The following GPHN variants were observed in gnomAD, a reference collection of about 807,000 sequenced individuals.
The protein encoded by GPHN is gephyrin.
Under a neutral mutation model 95.5 loss-of-function variants are expected in GPHN, and 17 were observed. That is an observed-to-expected ratio of 0.18 (90% CI 0.12 to 0.27). The LOEUF (loss-of-function observed/expected upper bound fraction) is 0.27, where lower values mean the gene tolerates loss of function less well. Among genes scored for constraint, GPHN ranks in the 10% least tolerant of loss-of-function variants. The pLI, the probability that GPHN is intolerant of heterozygous loss-of-function variation, is 1.00. For missense variants in GPHN, 660 were observed against 978.1 expected, an observed-to-expected ratio of 0.67 and a Z score of 4.34; for synonymous variants, 320 against 322.5, an observed-to-expected ratio of 0.99 and a Z score of 0.08.
intron 3 of GPHN, among the ~76,000 whole-genome samples, chr14:66,794,031 T>G (rs1404728133): frequency 1.3e-5 from 2 of 152,200 alleles, no homozygotes; most frequent in Non-Finnish European, 2.9e-5. Flanking sequence ...CTGTGTGCTT[T>G]CTGCAGTAGA....
chr14:67,357,278 A>T, the GPHN span, among the ~76,000 whole-genome samples: 16 of 152,262 alleles, frequency 1.1e-4, no homozygotes, highest in African/African-American at 3.9e-4. Context: ...ATGGCTTTTA[A>T]AACTTGCTCC....
chr14:67,200,378 C>G, the GPHN span: 2 of 607,906 alleles, frequency 3.3e-6, no homozygotes, highest in South Asian at 4.0e-5. Flanking sequence ...TTTTCGATAC[C>G]TTGGACCAAT....
chr14:66,518,201 G>A (rs1474071071), intron 1 of GPHN, among the ~76,000 whole-genome samples: 2 of 151,336 alleles, frequency 1.3e-5, no homozygotes, highest in Non-Finnish European at 2.9e-5. Flanking sequence ...TTTCTCAAAA[G>A]AAGACATACA....
At chr14:66,883,136 T>C (rs2064011681) in intron 5 of GPHN, among the ~76,000 whole-genome samples, 1 of 151,914 alleles carries the variant, frequency 6.6e-6, no homozygotes, top group Non-Finnish European at 1.5e-5. Context: ...TTTTTTTTGC[T>C]GCTCCTATGA....
the GPHN span, among the ~76,000 whole-genome samples, chr14:67,290,680 G>A: frequency 6.6e-6 from 1 of 152,098 alleles, no homozygotes; most frequent in Non-Finnish European, 1.5e-5. Context: ...ACACAGGCGT[G>A]AGCCACTGTG....
chr14:66,995,766 C>T (rs532570906), intron 9 of GPHN, among the ~76,000 whole-genome samples: 11 of 152,052 alleles, frequency 7.2e-5, no homozygotes, highest in Non-Finnish European at 1.2e-4. Flanking sequence ...GCTTTGGTGC[C>T]CTCTTTAATG....
the GPHN span, among the ~76,000 whole-genome samples, chr14:67,268,343 G>A: frequency 4.6e-5 from 7 of 152,192 alleles, no homozygotes; most frequent in Admixed American, 2.0e-4. Context: ...TTACCCGAAG[G>A]GGGTCCCGAT....
chr14:67,554,149 C>T, the GPHN span, among the ~76,000 whole-genome samples: 146 of 152,314 alleles, frequency 9.6e-4, no homozygotes, highest in Non-Finnish European at 1.7e-3. Context: ...GAAGGCCACC[C>T]TGAGCAAAGA....
At chr14:67,413,402 A>G in the GPHN span, among the ~76,000 whole-genome samples, 1 of 152,146 alleles carries the variant, frequency 6.6e-6, no homozygotes, top group Non-Finnish European at 1.5e-5. Context: ...GGGCCGGTCC[A>G]TATTATTTGT....
At chr14:66,935,993 C>A (rs1255971475) in intron 8 of GPHN, among the ~76,000 whole-genome samples, 3 of 152,086 alleles carry the variant, frequency 2.0e-5, no homozygotes, top group Non-Finnish European at 4.4e-5. Context: ...GATGGGAATT[C>A]TTGACTACTC....
chr14:66,899,940 A>T (rs1471701040), intron 5 of GPHN, among the ~76,000 whole-genome samples: 1 of 151,884 alleles, frequency 6.6e-6, no homozygotes, highest in Non-Finnish European at 1.5e-5. Context: ...GAATTTTCTT[A>T]AAAGTTACAG....
At chr14:66,799,555 T>C (rs1161156739) in intron 3 of GPHN, among the ~76,000 whole-genome samples, 2 of 152,086 alleles carry the variant, frequency 1.3e-5, no homozygotes, top group African/African-American at 4.8e-5. Context: ...TGTTTATCAT[T>C]ATATAGTGAC....
At chr14:67,349,236 CT>C in the GPHN span, 1 of 877,780 alleles carries the variant, frequency 1.1e-6, no homozygotes, top group Non-Finnish European at 1.7e-6. Flanking sequence ...GATAACTGTC[CT>C]TTTTCCAAAA....
At chr14:67,694,634 A>AAG in the GPHN span, among the ~76,000 whole-genome samples, 2 of 152,126 alleles carry the variant, frequency 1.3e-5, no homozygotes, top group Admixed American at 6.6e-5. Context: ...AAAGATAAAA[A>AAG]GCAGTGTTTT....
intron 11 of GPHN, among the ~76,000 whole-genome samples, chr14:67,075,598 A>G (rs936095268): frequency 2.6e-5 from 4 of 152,202 alleles, no homozygotes; most frequent in African/African-American, 9.6e-5. Flanking sequence ...ACCATTCTAG[A>G]TGTCATTAAG....
At chr14:67,214,721 A>T in the GPHN span, among the ~76,000 whole-genome samples, 25 of 152,070 alleles carry the variant, frequency 1.6e-4, 1 homozygote, top group Non-Finnish European at 2.2e-4. Flanking sequence ...TGGTAGCTTG[A>T]TGGGGATGGC....
At chr14:67,285,947 T>C in the GPHN span, among the ~76,000 whole-genome samples, 1 of 152,232 alleles carries the variant, frequency 6.6e-6, no homozygotes, top group Non-Finnish European at 1.5e-5. Context: ...TTTTCTTACT[T>C]TAGAATAATA....
intron 4 of GPHN, among the ~76,000 whole-genome samples, chr14:66,877,164 A>C (rs2063705999): frequency 6.6e-6 from 1 of 152,228 alleles, no homozygotes; most frequent in Non-Finnish European, 1.5e-5. Context: ...GATACAGAAA[A>C]GTCCTCCGAT....
At chr14:67,656,532 C>T in the GPHN span, 36 of 1,613,788 alleles carry the variant, frequency 2.2e-5, no homozygotes, top group Non-Finnish European at 2.5e-5. Context: ...CTTTGGGTGG[C>T]CCGGTTCAGG....
Sources: gnomAD v4.1 joint callset for allele counts (sites outside exome capture counted in the v4.1 genomes callset) on GRCh38, gnomAD v4.1.1 for gene constraint, MANE v1.5 for transcripts, NCBI Gene and HGNC (gene_info 2026-07-23, HGNC 2026-07-21) for gene names.